WWOX: variants seen among roughly 807,000 people sequenced by gnomAD.
The protein encoded by WWOX is WW domain containing oxidoreductase, also known as WW domain-containing oxidoreductase.
A neutral mutation model predicts 46.2 loss-of-function variants in WWOX; 69 were observed. The observed-to-expected ratio is 1.49, with a 90% CI of 1.23 to 1.82. The LOEUF is 1.82. WWOX is among the 40% of genes most tolerant of loss of function. The probability of loss-of-function intolerance (pLI) is 0.00; values close to 1 mark genes in which losing one functional copy is unlikely to be tolerated. For synonymous variants in WWOX, 359 were observed against 202.6 expected (o/e 1.77, Z -6.56); for missense variants, 919 against 542.6 (o/e 1.69, Z -6.89).
intron 8 of WWOX, among the ~76,000 whole-genome samples, chr16:78,557,689 ATTTTTT>A (rs34068363): frequency 7.1e-4 from 69 of 96,624 alleles, no homozygotes; most frequent in African/African-American, 3.0e-3. Flanking sequence ...CTAGGGAAGG[ATTTTTT>A]TTTTTTTTTT....
intron 8 of WWOX, among the ~76,000 whole-genome samples, chr16:78,664,868 A>G (rs2047295006): frequency 6.6e-6 from 1 of 152,236 alleles, no homozygotes; most frequent in Admixed American, 6.5e-5. Flanking sequence ...ATGTGCGTAA[A>G]ACGGAATTTG....
chr16:78,834,239 A>G (rs1238593257), intron 8 of WWOX, among the ~76,000 whole-genome samples: 1 of 152,212 alleles, frequency 6.6e-6, no homozygotes, highest in African/African-American at 2.4e-5. Context: ...TTCTGATAGC[A>G]AACATGGAGA....
intron 8 of WWOX, among the ~76,000 whole-genome samples, chr16:78,936,420 T>C (rs1275575167): frequency 1.3e-5 from 2 of 152,148 alleles, no homozygotes; most frequent in African/African-American, 4.8e-5. Context: ...GTAAGACTTC[T>C]TACTCTCTAG....
intron 8 of WWOX, among the ~76,000 whole-genome samples, chr16:78,453,486 A>C (rs1190188643): frequency 6.6e-6 from 1 of 152,170 alleles, no homozygotes; most frequent in Non-Finnish European, 1.5e-5. Flanking sequence ...AACATGAGCT[A>C]GCGGTAGAAA....
intron 8 of WWOX, among the ~76,000 whole-genome samples, chr16:78,903,465 A>C (rs750953777): frequency 8.5e-5 from 13 of 152,232 alleles, no homozygotes; most frequent in Non-Finnish European, 1.6e-4. Context: ...ACTCCTATGC[A>C]AACGTCTGAT....
At chr16:78,911,163 G>C (rs1210433829) in intron 8 of WWOX, among the ~76,000 whole-genome samples, 1 of 152,030 alleles carries the variant, frequency 6.6e-6, no homozygotes, top group East Asian at 1.9e-4. Context: ...AGAGTGGAAG[G>C]TGGCCCTCCA....
At chr16:79,119,587 A>G (rs2049586306) in intron 8 of WWOX, among the ~76,000 whole-genome samples, 1 of 152,202 alleles carries the variant, frequency 6.6e-6, no homozygotes. Flanking sequence ...CATTTTTCCA[A>G]CAAGGCAACT....
chr16:79,104,206 C>G (rs1192972544), intron 8 of WWOX, among the ~76,000 whole-genome samples: 1 of 152,030 alleles, frequency 6.6e-6, no homozygotes, highest in East Asian at 1.9e-4. Flanking sequence ...CTTGAAATAT[C>G]CTAACATTGA....
rs116376714 is a variant in WWOX at position 78,595,586 on chromosome 16, G to T, written c.1056+162834G>T. Among the ~76,000 whole-genome samples the T allele has an allele frequency of 5.4e-3, 827 of 152,320 alleles. 7 individuals carry two copies. The highest frequency in any genetic ancestry group is 0.019 in the African/African-American group (797 of 41,568). On this transcript the variant is annotated intron_variant, in intron 8 of 8. Transcript: ENST00000566780. ...CAGTTAGCTATCAGAGATATACGGT[G>T]TCCTTAAGATAGGGCAGGCAGGGCC...
intron 8 of WWOX, among the ~76,000 whole-genome samples, chr16:78,679,920 C>A (rs534857840): frequency 2.0e-5 from 3 of 152,200 alleles, no homozygotes; most frequent in East Asian, 1.9e-4. Flanking sequence ...TAACCAATGG[C>A]AGCTGAGTGC....
chr16:78,930,267 CT>C (rs1369570707), intron 8 of WWOX, among the ~76,000 whole-genome samples: 55 of 111,402 alleles, frequency 4.9e-4, no homozygotes, highest in African/African-American at 9.2e-4. Flanking sequence ...TCCTTCCTTC[CT>C]TTCTCTCTTT....
intron 1 of WWOX, among the ~76,000 whole-genome samples, chr16:78,108,147 C>T (rs56226071): frequency 6.6e-6 from 1 of 151,404 alleles, no homozygotes; most frequent in Non-Finnish European, 1.5e-5. Context: ...AGGATGGTCT[C>T]CATCTCCTGA....
chr16:79,183,958 C>T (rs2050963505), intron 8 of WWOX, among the ~76,000 whole-genome samples: 1 of 152,216 alleles, frequency 6.6e-6, no homozygotes, highest in Admixed American at 6.5e-5. Flanking sequence ...GCTTTGGTGT[C>T]GTGCTTGCCT....
intron 5 of WWOX, among the ~76,000 whole-genome samples, chr16:78,299,140 C>A (rs998050580): frequency 8.5e-5 from 13 of 152,130 alleles, no homozygotes; most frequent in Non-Finnish European, 1.9e-4. Context: ...ATCTGAAGAA[C>A]CCAGAAGACT....
intron 8 of WWOX, among the ~76,000 whole-genome samples, chr16:78,902,729 T>C (rs1033570033): frequency 6.6e-6 from 1 of 152,210 alleles, no homozygotes; most frequent in East Asian, 1.9e-4. Context: ...AGGTCTTTTG[T>C]TGGTGGAAAT....
At chr16:78,879,169 G>T (rs1170969589) in intron 8 of WWOX, among the ~76,000 whole-genome samples, 2 of 152,088 alleles carry the variant, frequency 1.3e-5, no homozygotes, top group African/African-American at 4.8e-5. Context: ...GAAGTTGAGG[G>T]CAAGGAGCTC....
At chr16:78,816,330 T>C (rs1237272920) in intron 8 of WWOX, among the ~76,000 whole-genome samples, 1 of 152,108 alleles carries the variant, frequency 6.6e-6, no homozygotes, top group African/African-American at 2.4e-5. Context: ...TCCTGATATA[T>C]CGAGGACTCC....
intron 5 of WWOX, among the ~76,000 whole-genome samples, chr16:78,285,824 A>T (rs2079757254): frequency 6.6e-6 from 1 of 152,080 alleles, no homozygotes; most frequent in Non-Finnish European, 1.5e-5. Flanking sequence ...TTCCTCACCC[A>T]CTGAGTATTT....
At chr16:79,099,427 A>T (rs2150625553) in intron 8 of WWOX, among the ~76,000 whole-genome samples, 1 of 152,314 alleles carries the variant, frequency 6.6e-6, no homozygotes, top group Admixed American at 6.5e-5. Flanking sequence ...AGACTGTGGT[A>T]AACTGCAGCG....
Sources: allele counts gnomAD v4.1 joint callset (sites outside exome capture counted in the v4.1 genomes callset), GRCh38; gene constraint gnomAD v4.1.1; transcripts MANE v1.5; gene names NCBI Gene and HGNC (gene_info 2026-07-23, HGNC 2026-07-21).